The following COL16A1 variants were observed in gnomAD, a reference collection of about 807,000 sequenced individuals.
COL16A1 encodes collagen alpha-1(XVI) chain.
Under a neutral mutation model 266.3 loss-of-function variants are expected in COL16A1, and 189 were observed. The observed-to-expected ratio is 0.71, with a 90% CI of 0.63 to 0.80. The LOEUF is 0.80. Among genes scored for constraint, COL16A1 ranks in the 30% least tolerant of loss-of-function variants. The probability of loss-of-function intolerance (pLI) is 0.00; values close to 1 mark genes in which losing one functional copy is unlikely to be tolerated. For missense variants in COL16A1, 1,928 were observed against 2,122.4 expected (o/e 0.91, Z 1.80); for synonymous variants, 740 against 782.3 (o/e 0.95, Z 0.90).
In COL16A1 at chr1:31,672,512, G is replaced by A; in HGVS notation, c.3019-10C>T. ...CCTCACTGTTGTCACCCTGGAGAAG[G>A]ATGGAGACGGTGATAGTGAGCAGTC... is the stretch of plus-strand genomic sequence containing the variant. On this transcript the variant is annotated splice_polypyrimidine_tract_variant and intron_variant, in intron 46 of 70. Coordinates refer to ENST00000373672, the MANE Select transcript of COL16A1 (RefSeq NM_001856.4). 1 of 1,614,154 alleles carries A rather than the reference G, an allele frequency of 6.2e-7. No homozygotes were observed. The highest frequency in any genetic ancestry group is 8.5e-7 in the Non-Finnish European group (1 of 1,180,000).
Position 31,653,911 on chromosome 1 carries a change from C to G in COL16A1, c.4490G>C (p.Gly1497Ala). Residue 1497 changes from glycine to alanine, a missense_variant, in exon 69 of 71, where the codon GGT becomes GCT. Around this residue, in one of 2 missense-constraint regions of COL16A1, gnomAD observed 376 missense variants for 485.2 expected, o/e 0.77. Coordinates refer to ENST00000373672, the MANE Select transcript of COL16A1 (RefSeq NM_001856.4). ...CTGCCGTCCTTCTCTGCCAATCTGA[C>G]CAGGGAGCCCAGGTGACCCTGGAGC... ...PGAPGSPGLP[G>A]QIGREGRQGL... 1 of 1,613,988 alleles carries G rather than the reference C, an allele frequency of 6.2e-7. No individual in the cohort carries two copies. The highest frequency in any genetic ancestry group is 8.5e-7 in the Non-Finnish European group (1 of 1,179,882).
Position 31,699,805 on chromosome 1 carries a change from G to A in COL16A1, c.266+8C>T. 6.5e-7 allele frequency: 1 copy of A among 1,533,612 alleles called. No homozygotes were observed. The highest frequency in any genetic ancestry group is 9.0e-7 in the Non-Finnish European group (1 of 1,108,662). On this transcript the variant is annotated splice_region_variant and intron_variant, in intron 4 of 70. Coordinates refer to ENST00000373672, the MANE Select transcript of COL16A1 (RefSeq NM_001856.4). ...GTTGATTCTCAGTGGTCACATGGAT[G>A]CATTTACCGCGTGGGCTGGGTCACG...
At chr1:31,679,353 T>C in intron 42 of COL16A1, 5 of 1,449,020 alleles carry the variant, frequency 3.5e-6, no homozygotes, top group Non-Finnish European at 4.6e-6. Context: ...GGCCGGGCTC[T>C]GTACCAGGGT....
At chr1:31,681,168 G>A in intron 37 of COL16A1, 101 bp from the exon 38 acceptor site, 2 of 1,464,112 alleles carry the variant, frequency 1.4e-6, no homozygotes, top group Admixed American at 2.5e-5. Context: ...AGCAGCGCCA[G>A]GTTCCCCTGG....
In COL16A1 at chr1:31,663,158, G is replaced by A. The variant is rs528707914; in HGVS notation, c.3556-500C>T. On this transcript the variant is annotated intron_variant, in intron 56 of 70. Coordinates refer to ENST00000373672, the MANE Select transcript of COL16A1 (RefSeq NM_001856.4). This position sits in a 1 kb window ranked among gnomAD's most constrained non-coding sequence, Gnocchi z 4.9. ...CCAAGATGAAAAAGTGGGTGCCCCT[G>A]TCCTCAAGGAGCTCACAGTCCAGTG... 1 of 172,816 alleles carries A rather than the reference G, an allele frequency of 5.8e-6. No homozygotes were observed. Among genetic ancestry groups the A allele is most frequent in the South Asian group, 1.3e-4 (1 of 7,930 alleles). 10.7% of individuals were successfully genotyped at this position (172,816 alleles called of 1,614,324 possible). A position where few individuals can be genotyped will look rare whatever the true frequency, so the allele number is the denominator to read the frequency against.
Position 31,698,231 on chromosome 1 carries a change from G to A in COL16A1, c.391-59C>T. 1.3e-6 allele frequency: 2 copies of A among 1,597,762 alleles called. No homozygotes were observed. The highest frequency in any genetic ancestry group is 1.7e-6 in the Non-Finnish European group (2 of 1,171,618). ...TTCAGAGCTCCAGAGTCACACCATG[G>A]GCACGTTCAGGGACCTTGAACTCAT... On this transcript the variant is annotated intron_variant, in intron 5 of 70. Transcript: ENST00000373672. The surrounding 1 kb of genome is among the most constrained non-coding windows in gnomAD (Gnocchi z 4.1).
chr1:31,686,035 G>A lies in COL16A1; in HGVS notation c.1884+56C>T, dbSNP rs112180725. 6,589 of 1,605,936 alleles carry A rather than the reference G, an allele frequency of 4.1e-3. 15 individuals are homozygous for A. Among genetic ancestry groups the A allele is most frequent in the Non-Finnish European group, 5.0e-3 (5,868 of 1,175,868 alleles). On this transcript the variant is annotated intron_variant, in intron 28 of 70. Coordinates refer to ENST00000373672, the MANE Select transcript of COL16A1 (RefSeq NM_001856.4). ...GAGGGTTCGAAGTCGAGCAAGACGA[G>A]TGTCTATCTAGGAAGCTCACCCAGG...
intron 10 of COL16A1, 101 bp from the exon 11 acceptor site, chr1:31,695,322 G>T: frequency 1.8e-6 from 2 of 1,135,096 alleles, no homozygotes; most frequent in Non-Finnish European, 2.6e-6. Flanking sequence ...CACATATCTT[G>T]AGTGGAATCT....
At position 31,665,694 on chromosome 1, in the gene COL16A1, C is replaced by CG. The variant is rs368197531; in HGVS notation, c.3457-77dup. The CG allele has an allele frequency of 1.8e-3, 2,893 of 1,590,396 alleles. 21 individuals carry two copies. The highest frequency in any genetic ancestry group is 0.011 in the South Asian group (966 of 86,708). ...CTGGCTGCCCAGGTGGAAAGAGTGA[C>CG]GGGGGGGGCACCCTCAAACCCATGG... On this transcript the variant is annotated intron_variant, in intron 54 of 70. Transcript: ENST00000373672.
In COL16A1 at chr1:31,652,447, C is replaced by T; in HGVS notation, c.*204G>A. 1.9e-6 allele frequency: 1 copy of T among 533,050 alleles called. No individual in the cohort carries two copies. The highest frequency in any genetic ancestry group is 3.9e-5 in the East Asian group (1 of 25,478). The allele number at this position is 533,050 out of a possible 1,614,324, so 33.0% of individuals were successfully genotyped here. A position where few individuals can be genotyped will look rare whatever the true frequency, so the allele number is the denominator to read the frequency against. On this transcript the variant is annotated 3_prime_UTR_variant, in exon 71 of 71. Coordinates refer to ENST00000373672, the MANE Select transcript of COL16A1 (RefSeq NM_001856.4). The surrounding 1 kb of genome is among the most constrained non-coding windows in gnomAD (Gnocchi z 4.8). ...GGACTAAACGGGAAAAGGAGGGCAA[C>T]AGGGAGCTCTGGCTGCAGCACCAGA...
rs568093452 is a variant in COL16A1, at chr1:31,664,890, A to G, written c.3555+282T>C. 4.0e-5 allele frequency among the ~76,000 whole-genome samples: 6 copies of G among 149,346 alleles called. No individual in the cohort carries two copies. In the East Asian group the frequency reaches 9.8e-4, roughly 25 times the overall value. ...CAGACCCCCTGCCTCCTCCCCACCT[A>G]CCTCCCTGCCTTTCCCCCCATCACA... is the stretch of plus-strand genomic sequence containing the variant. On this transcript the variant is annotated intron_variant, in intron 56 of 70. Coordinates refer to ENST00000373672, the MANE Select transcript of COL16A1 (RefSeq NM_001856.4). The surrounding 1 kb of genome is among the most constrained non-coding windows in gnomAD (Gnocchi z 5.5).
chr1:31,696,972 T>C lies in COL16A1; in HGVS notation c.855A>G (p.Gln285=), dbSNP rs756537227. Residue 285 remains glutamine (Q), a synonymous_variant, in exon 8 of 71, where the codon CAA becomes CAG. Coordinates refer to ENST00000373672, the MANE Select transcript of COL16A1 (RefSeq NM_001856.4). ...YTRCFCLEEP[Q]NSEVDAQLTG... is the part of the protein sequence containing the mutation. ...TGTCCTGCCCACCCACCTCGCTGTTTTGAGGCTCCTCCAGGCAGAAGCAGC... is the reference window on the plus strand; with the variant it reads ...TGTCCTGCCCACCCACCTCGCTGTTCTGAGGCTCCTCCAGGCAGAAGCAGC... 1 of 1,614,036 alleles carries C rather than the reference T, an allele frequency of 6.2e-7. No homozygotes were observed. The highest frequency in any genetic ancestry group is 1.1e-5 in the South Asian group (1 of 91,066).
Position 31,695,171 on chromosome 1 carries a change from C to T in COL16A1, c.981+15G>A, listed in dbSNP as rs779914011. 96 of 1,613,612 alleles carry T rather than the reference C, an allele frequency of 5.9e-5. No homozygotes were observed. The highest frequency in any genetic ancestry group is 7.7e-5 in the Non-Finnish European group (91 of 1,179,912). On this transcript the variant is annotated intron_variant, in intron 11 of 70. Transcript: ENST00000373672. ...CTCTTGCCCGCTCCACCCTGCACAC[C>T]CTCCATTCACTCACATTGCTGTCCC...
intron 23 of COL16A1, chr1:31,689,441 T>G: frequency 1.8e-6 from 1 of 558,622 alleles, no homozygotes; most frequent in South Asian, 2.2e-5. Context: ...TACCCAATCC[T>G]AGGACACAGC....
At chr1:31,662,979 T>C in intron 56 of COL16A1, 1 of 450,446 alleles carries the variant, frequency 2.2e-6, no homozygotes. Flanking sequence ...ACAGCTTCAA[T>C]CCACTGTGAA....
intron 42 of COL16A1, chr1:31,679,317 G>C: frequency 1.7e-6 from 2 of 1,209,130 alleles, no homozygotes; most frequent in Non-Finnish European, 2.3e-6. Context: ...GCATGAATGA[G>C]TGTTGAATGC....
intron 27 of COL16A1, 48 bp downstream of exon 27, chr1:31,686,196 C>T (rs373365016): frequency 2.5e-6 from 4 of 1,614,098 alleles, no homozygotes; most frequent in East Asian, 4.5e-5. Flanking sequence ...CTATCAGCCC[C>T]TCCCACCTTG....
chr1:31,697,188 TCCCTGGGCAGC>T lies in COL16A1; in HGVS notation c.738+21_738+31del. 1 of 1,613,274 alleles carries T rather than the reference TCCCTGGGCAGC, an allele frequency of 6.2e-7. No homozygotes were observed. Among genetic ancestry groups the T allele is most frequent in the African/African-American group, 1.3e-5 (1 of 75,002 alleles). On this transcript the variant is annotated intron_variant, in intron 7 of 70. Coordinates refer to ENST00000373672, the MANE Select transcript of COL16A1 (RefSeq NM_001856.4). The surrounding 1 kb of genome is among the most constrained non-coding windows in gnomAD (Gnocchi z 4.2). ...AGACCCTCATCTCCAGCACAGTGTG[TCCCTGGGCAGC>T]CCAAGGGCCGGGCCACTCACCCCTG...
chr1:31,656,567 C>T lies in COL16A1; in HGVS notation c.4057-123G>A. 7.0e-7 allele frequency: 1 copy of T among 1,435,370 alleles called. No homozygotes were observed. The highest frequency in any genetic ancestry group is 9.3e-7 in the Non-Finnish European group (1 of 1,075,648). 88.9% of individuals were successfully genotyped at this position (1,435,370 alleles called of 1,614,324 possible). A position where few individuals can be genotyped will look rare whatever the true frequency, so the allele number is the denominator to read the frequency against. On this transcript the variant is annotated intron_variant, in intron 65 of 70. Coordinates refer to ENST00000373672, the MANE Select transcript of COL16A1 (RefSeq NM_001856.4). The surrounding 1 kb of genome is among the most constrained non-coding windows in gnomAD (Gnocchi z 4.2). ...GCCCCCAGGTGTGTCCAGCCCAGCTCTGTGTGAGAAAGGAGCGCAGCCTCC... is the reference window on the plus strand; with the variant it reads ...GCCCCCAGGTGTGTCCAGCCCAGCTTTGTGTGAGAAAGGAGCGCAGCCTCC...
Sources: allele counts gnomAD v4.1 joint callset (sites outside exome capture counted in the v4.1 genomes callset), GRCh38; gene constraint gnomAD v4.1.1; regional missense constraint gnomAD v4.1.1; non-coding constraint Gnocchi (gnomAD v3.1); transcripts MANE v1.5; gene names NCBI Gene and HGNC (gene_info 2026-07-23, HGNC 2026-07-21).